Variants in ACBD6 observed in about 807,000 individuals in gnomAD.
ACBD6 encodes the protein acyl-CoA binding domain containing 6, also known as acyl-CoA-binding domain-containing protein 6.
Under a neutral mutation model 37.2 loss-of-function variants are expected in ACBD6, and 28 were observed. That is an observed-to-expected ratio of 0.75 (90% CI 0.56 to 1.03). The LOEUF is 1.03. ACBD6 is among the 50% of genes least tolerant of loss of function. ACBD6 has a pLI of 0.00. For missense variants in ACBD6, 340 were observed against 337.4 expected (o/e 1.01, Z -0.06); for synonymous variants, 113 against 126.8 (o/e 0.89, Z 0.73).
At chr1:180,375,549 C>T (rs2101920260) in intron 6 of ACBD6, among the ~76,000 whole-genome samples, 1 of 152,246 alleles carries the variant, frequency 6.6e-6, no homozygotes, top group South Asian at 2.1e-4. Context: ...TGTTCTTGAG[C>T]TCCTAGGCTC....
chr1:180,325,983 C>T (rs1651247266), intron 6 of ACBD6, among the ~76,000 whole-genome samples: 1 of 152,200 alleles, frequency 6.6e-6, no homozygotes, highest in African/African-American at 2.4e-5. Flanking sequence ...GGAGCCAGTA[C>T]AGCACTGGGT....
chr1:180,352,515 T>G (rs1652457983), intron 6 of ACBD6, among the ~76,000 whole-genome samples: 1 of 152,126 alleles, frequency 6.6e-6, no homozygotes, highest in South Asian at 2.1e-4. Context: ...TTGTTAGATT[T>G]GGGTTCAACA....
rs1451996038 is a variant in ACBD6, at chr1:180,348,316, G to C, written c.664-33594C>G. ...GTAGCAAATAAATCAACATAGAGAA[G>C]CGACAAGAGCTCTGGACTGTGAGTT... On this transcript the variant is annotated intron_variant, in intron 6 of 7. Coordinates refer to ENST00000367595, the MANE Select transcript of ACBD6 (RefSeq NM_032360.4). 2.6e-5 allele frequency among the ~76,000 whole-genome samples: 4 copies of C among 152,168 alleles called. No individual in the cohort carries two copies. In the East Asian group the frequency reaches 7.7e-4, roughly 29 times the overall value.
chr1:180,319,943 G>C (rs1217082738), intron 6 of ACBD6, among the ~76,000 whole-genome samples: 2 of 152,118 alleles, frequency 1.3e-5, no homozygotes, highest in Non-Finnish European at 2.9e-5. Context: ...CCTGGCTATT[G>C]CAAACAGTGC....
chr1:180,501,475 G>A (rs1057168914), intron 1 of ACBD6, among the ~76,000 whole-genome samples: 1 of 152,160 alleles, frequency 6.6e-6, no homozygotes, highest in African/African-American at 2.4e-5. Context: ...TTACAGGCAT[G>A]CGCCACCACG....
chr1:180,318,846 C>G (rs1307388745), intron 6 of ACBD6, among the ~76,000 whole-genome samples: 1 of 152,156 alleles, frequency 6.6e-6, no homozygotes, highest in Non-Finnish European at 1.5e-5. Flanking sequence ...TTTAAACTTA[C>G]CACTTTGTTT....
At chr1:180,274,803 G>A (rs920959329) in exon 10 of ACBD6, 1 of 546,236 alleles carries the variant, frequency 1.8e-6, no homozygotes, top group African/African-American at 1.9e-5. Context: ...CAGCACAGGG[G>A]GTAATGGCCT....
At chr1:180,284,319 G>T (rs1378099613), downstream of ACBD6, among the ~76,000 whole-genome samples, 1 of 151,430 alleles carries the variant, frequency 6.6e-6, no homozygotes, top group Non-Finnish European at 1.5e-5. Context: ...AATAATAATC[G>T]TAACAACTTT....
chr1:180,297,263 T>C (rs1418789982), intron 7 of ACBD6, among the ~76,000 whole-genome samples: 1 of 152,164 alleles, frequency 6.6e-6, no homozygotes, highest in Non-Finnish European at 1.5e-5. Context: ...CAGGTTGTGA[T>C]AGGTACTTGG....
rs1457588544 is a variant in ACBD6 at position 180,492,346 on chromosome 1, C to G, written c.307G>C (p.Gly103Arg). The G allele has an allele frequency of 6.2e-7, 1 of 1,613,924 alleles. No homozygotes were observed. Among genetic ancestry groups the G allele is most frequent in the Non-Finnish European group, 8.5e-7 (1 of 1,179,908 alleles). ...KQKWEAWKAL[G>R]DSSPSQAMQE... is the part of the protein sequence containing the mutation. ...ATTGCTTGGCTGGGGCTTGAATCAC[C>G]AAGTGCTTTCCAAGCTTCCCTACAA... Residue 103 changes from glycine to arginine, a missense_variant, in exon 3 of 8, where the codon GGT becomes CGT. Transcript: ENST00000367595.
chr1:180,467,456 A>T (rs1650392737), intron 3 of ACBD6, among the ~76,000 whole-genome samples: 1 of 149,162 alleles, frequency 6.7e-6, no homozygotes, highest in Non-Finnish European at 1.5e-5. Context: ...TGCAAAAAAA[A>T]AAAAAAAAAA....
chr1:180,316,974 G>A (rs1269509075), intron 6 of ACBD6, among the ~76,000 whole-genome samples: 2 of 152,178 alleles, frequency 1.3e-5, no homozygotes, highest in South Asian at 2.1e-4. Flanking sequence ...ATGTTTACAC[G>A]GAGAACTGGG....
intron 3 of ACBD6, among the ~76,000 whole-genome samples, chr1:180,436,223 G>A (rs1649029088): frequency 6.6e-6 from 1 of 152,190 alleles, no homozygotes; most frequent in Non-Finnish European, 1.5e-5. Flanking sequence ...GCAAGTGGAA[G>A]CTGATAATAT....
rs142804475 is a variant in ACBD6, at chr1:180,298,527, T to C, written c.695-10010A>G. Among the ~76,000 whole-genome samples, 176 of 152,310 alleles carry C rather than the reference T, an allele frequency of 1.2e-3. 1 individual carries two copies. Among genetic ancestry groups the C allele is most frequent in the African/African-American group, 4.1e-3 (171 of 41,564 alleles). ...TATGATGATGTGACCATTCCAGTGG[T>C]GAGATATGATATAATCTATGGGCAC... On this transcript the variant is annotated intron_variant, in intron 7 of 7. Transcript: ENST00000367595.
chr1:180,334,927 T>C (rs1651640937), intron 6 of ACBD6, among the ~76,000 whole-genome samples: 1 of 152,000 alleles, frequency 6.6e-6, no homozygotes, highest in South Asian at 2.1e-4. Flanking sequence ...GGAGATCAAA[T>C]GAATGAAATG....
At chr1:180,347,361 T>TG (rs34163299) in intron 6 of ACBD6, among the ~76,000 whole-genome samples, 88,651 of 111,558 alleles carry the variant, frequency 0.79, 34,886 homozygotes, top group South Asian at 0.88. Flanking sequence ...CAACAGAAAG[T>TG]TTTTTTTTTT....
At position 180,409,919 on chromosome 1, in the gene ACBD6, C is replaced by T. The variant is rs371418870; in HGVS notation, c.573+3447G>A. 1.3e-5 allele frequency among the ~76,000 whole-genome samples: 2 copies of T among 152,224 alleles called. 1 individual carries two copies. The highest frequency in any genetic ancestry group is 1.3e-4 in the Admixed American group (2 of 15,292). On this transcript the variant is annotated intron_variant, in intron 5 of 7. Coordinates refer to ENST00000367595, the MANE Select transcript of ACBD6 (RefSeq NM_032360.4). ...ACTGAAAACCAACACAGGCCAAAAG[C>T]TAGGCCTCTTGTGCCAAACTGCCAA... is the stretch of plus-strand genomic sequence containing the variant.
chr1:180,361,733 T>A (rs895473474), intron 6 of ACBD6, among the ~76,000 whole-genome samples: 22 of 152,140 alleles, frequency 1.4e-4, no homozygotes, highest in African/African-American at 5.3e-4. Context: ...TTTACAACTT[T>A]CAAAATACCA....
chr1:180,338,015 G>T (rs908365338), intron 6 of ACBD6, among the ~76,000 whole-genome samples: 3 of 152,066 alleles, frequency 2.0e-5, no homozygotes, highest in Non-Finnish European at 2.9e-5. Context: ...CCAAACAAAT[G>T]GAAGAACAAG....
Sources: gnomAD v4.1 joint callset for allele counts (sites outside exome capture counted in the v4.1 genomes callset) on GRCh38, gnomAD v4.1.1 for gene constraint, MANE v1.5 for transcripts, NCBI Gene and HGNC (gene_info 2026-07-23, HGNC 2026-07-21) for gene names.